Variants in MAP7D3 observed in about 807,000 individuals in gnomAD.
MAP7D3 encodes the protein MAP7 domain-containing protein 3.
Under a neutral mutation model 62.2 loss-of-function variants are expected in MAP7D3, and 45 were observed. That is an observed-to-expected ratio of 0.72 (90% confidence interval 0.57 to 0.93). MAP7D3 has a LOEUF of 0.93. Among genes scored for constraint, MAP7D3 ranks in the 40% least tolerant of loss-of-function variants. MAP7D3 has a pLI of 0.00. For missense variants in MAP7D3, 711 were observed against 683.1 expected (o/e 1.04, Z -0.45); for synonymous variants, 288 against 248.8 (o/e 1.16, Z -1.48).
chrX:136,219,726 C>G, intron 16 of MAP7D3, 55 bp from the exon 17 acceptor site: 2 of 922,359 alleles, frequency 2.2e-6, no homozygotes, highest in Non-Finnish European at 3.2e-6. Context: ...AAGGCTCTGG[C>G]CTAAAAGAAG....
At chrX:136,253,084 G>A (rs1486018385), upstream of MAP7D3, among the ~76,000 whole-genome samples, 1 of 111,656 alleles carries the variant, frequency 9.0e-6, no homozygotes, top group East Asian at 2.8e-4. Context: ...GCAACAGAGC[G>A]AGACTCTGTC....
chrX:136,216,028 T>C (rs1346726163), downstream of MAP7D3, among the ~76,000 whole-genome samples: 1 of 111,340 alleles, frequency 9.0e-6, no homozygotes, highest in East Asian at 2.8e-4. Context: ...TTAAAATGGT[T>C]ACTTTTAGGT....
intron 1 of MAP7D3, among the ~76,000 whole-genome samples, chrX:136,249,124 TG>T (rs1287646302): frequency 5.4e-5 from 6 of 111,909 alleles, no homozygotes; most frequent in Non-Finnish European, 1.1e-4. Flanking sequence ...AATGGCTACT[TG>T]GAAAAATATT....
downstream of MAP7D3, among the ~76,000 whole-genome samples, chrX:136,216,133 A>G (rs1007428469): frequency 9.0e-6 from 1 of 110,700 alleles, no homozygotes; most frequent in African/African-American, 3.3e-5. Context: ...AAAAATCAAA[A>G]GATACTGCAG....
At chrX:136,221,759 T>C (rs972214755) in intron 15 of MAP7D3, 1 of 112,693 alleles carries the variant, frequency 8.9e-6, no homozygotes, top group African/African-American at 3.2e-5. Flanking sequence ...GGCAGTATTA[T>C]GGTTTGCTCA....
In MAP7D3 at chrX:136,230,852, G is replaced by C; in HGVS notation, c.1528C>G (p.Pro510Ala). The C allele has an allele frequency of 8.3e-7, 1 of 1,207,519 alleles. No individual in the cohort carries two copies. Among genetic ancestry groups the C allele is most frequent in the Non-Finnish European group, 1.1e-6 (1 of 893,207 alleles). ...TAAGCTGCTTACTTAGTGCTGATGGGAGACGGCAGACCACAAGCATTTTCA... is the reference window on the plus strand; with the variant it reads ...TAAGCTGCTTACTTAGTGCTGATGGCAGACGGCAGACCACAAGCATTTTCA... ...SPENACGLPS[P>A]ISTNRQIQKN... is the part of the protein sequence containing the mutation. Residue 510 changes from proline (P) to alanine (A), a missense_variant, in exon 9 of 19, where the codon CCC becomes GCC. Coordinates refer to ENST00000316077, the MANE Select transcript of MAP7D3 (RefSeq NM_024597.4).
intron 6 of MAP7D3, among the ~76,000 whole-genome samples, chrX:136,238,229 G>A (rs1455791455): frequency 9.0e-6 from 1 of 111,472 alleles, no homozygotes; most frequent in African/African-American, 3.3e-5. Context: ...ATAATCCTTT[G>A]GGTATATACC....
chrX:136,251,388 C>G lies in MAP7D3; in HGVS notation c.-30G>C. ...GTCGGGACCGGAGGCGGTGGTGGCT[C>G]TCCGCATACATTGCGCAGGCGTCGG... is the stretch of plus-strand genomic sequence containing the variant. On this transcript the variant is annotated 5_prime_UTR_variant, in exon 1 of 19. Coordinates refer to ENST00000316077, the MANE Select transcript of MAP7D3 (RefSeq NM_024597.4). 1 of 1,060,316 alleles carries G rather than the reference C, an allele frequency of 9.4e-7. No homozygotes were observed. 87.4% of individuals were successfully genotyped at this position (1,060,316 alleles called of 1,213,427 possible).
upstream of MAP7D3, among the ~76,000 whole-genome samples, chrX:136,251,760 C>T (rs2074516736): frequency 9.0e-6 from 1 of 111,149 alleles, no homozygotes; most frequent in South Asian, 3.8e-4. Flanking sequence ...CCTGGGTGCG[C>T]TTGTATCATG....
intron 1 of MAP7D3, 129 bp from the exon 2 acceptor site, chrX:136,246,470 C>T: frequency 2.1e-6 from 1 of 466,296 alleles, no homozygotes; most frequent in East Asian, 3.7e-5. Flanking sequence ...TGACTGATTT[C>T]ATCTGGGTCA....
chrX:136,232,097 A>G lies in MAP7D3; in HGVS notation c.860T>C (p.Val287Ala), dbSNP rs1178166305. The part of the protein sequence containing the change: ...STMKIPPQTK[V>A]EESPLEKVET... ...TACTTTCTCCAAGGGAGACTCTTCTACTTTTGTTTGAGGAGGTATTTTCAT... is the reference window on the plus strand; with the variant it reads ...TACTTTCTCCAAGGGAGACTCTTCTGCTTTTGTTTGAGGAGGTATTTTCAT... The change falls in exon 8 of 19, where the codon GTA becomes GCA. Residue 287 changes from valine to alanine, a missense_variant. Physicochemically the swap from Val to Ala is moderately conservative, Grantham distance 64 (BLOSUM62 0). Transcript: ENST00000316077. The G allele has an allele frequency of 1.7e-6, 2 of 1,209,774 alleles. No individual in the cohort carries two copies. The highest frequency in any genetic ancestry group is 2.2e-5 in the Admixed American group (1 of 46,014).
At chrX:136,235,068 T>C (rs1399298197) in intron 7 of MAP7D3, among the ~76,000 whole-genome samples, 1 of 111,623 alleles carries the variant, frequency 9.0e-6, no homozygotes, top group African/African-American at 3.3e-5. Context: ...AAGGAAAGAA[T>C]CTAGGTAACA....
At chrX:136,229,100 CCA>C in intron 10 of MAP7D3, 1 of 122,153 alleles carries the variant, frequency 8.2e-6, no homozygotes. Context: ...TATGCTCGGT[CCA>C]AACAAAGGGT....
chrX:136,251,797 CAAAG>C (rs1231763937), upstream of MAP7D3, among the ~76,000 whole-genome samples: 2 of 111,379 alleles, frequency 1.8e-5, no homozygotes, highest in Non-Finnish European at 3.8e-5. Context: ...AAACATTACA[CAAAG>C]AAAGACCCAA....
upstream of MAP7D3, among the ~76,000 whole-genome samples, chrX:136,253,037 G>T (rs948095402): frequency 3.6e-5 from 4 of 111,118 alleles, no homozygotes; most frequent in Non-Finnish European, 7.6e-5. Flanking sequence ...GGTGGAGGTT[G>T]CAGTGAGCCG....
intron 1 of MAP7D3, among the ~76,000 whole-genome samples, chrX:136,251,013 G>C (rs2074501547): frequency 8.9e-6 from 1 of 112,024 alleles, no homozygotes; most frequent in Non-Finnish European, 1.9e-5. Context: ...CTCGCGCCGC[G>C]TCCGCGGGGC....
intron 5 of MAP7D3, among the ~76,000 whole-genome samples, 162 bp from the exon 6 acceptor site, chrX:136,240,648 C>T (rs185279027): frequency 4.5e-5 from 5 of 111,094 alleles, no homozygotes; most frequent in African/African-American, 1.3e-4. Flanking sequence ...TTAGTAGAGA[C>T]GGGGCTTCAC....
chrX:136,227,241 T>A (rs759349128), intron 12 of MAP7D3, 43 bp downstream of exon 12: 6 of 1,181,484 alleles, frequency 5.1e-6, no homozygotes, highest in Non-Finnish European at 6.9e-6. Flanking sequence ...CTGAACTTTA[T>A]AATCTGGTTC....
At chrX:136,221,334 C>CT (rs1282983640) in intron 15 of MAP7D3, among the ~76,000 whole-genome samples, 1 of 111,498 alleles carries the variant, frequency 9.0e-6, no homozygotes, top group Non-Finnish European at 1.9e-5. Flanking sequence ...TCTAATTTTT[C>CT]TTTTTTTTGA....
Sources: gnomAD v4.1 joint callset for allele counts (sites outside exome capture counted in the v4.1 genomes callset) on GRCh38, gnomAD v4.1.1 for gene constraint, MANE v1.5 for transcripts, NCBI Gene and HGNC (gene_info 2026-07-23, HGNC 2026-07-21) for gene names.